Variants in DPP8 observed in about 807,000 individuals in gnomAD.
The protein encoded by DPP8 is DPP VIII.
DPP8 carries 31 observed loss-of-function variants against 107.5 expected under a neutral mutation model. The observed-to-expected ratio is 0.29, with a 90% CI of 0.22 to 0.39. The LOEUF (loss-of-function observed/expected upper bound fraction) is 0.39, where lower values mean the gene tolerates loss of function less well. Among genes scored for constraint, DPP8 ranks in the 10% least tolerant of loss-of-function variants. The pLI is 1.00. For synonymous variants in DPP8, 381 were observed against 356.6 expected (o/e 1.07, Z -0.77); for missense variants, 842 against 1,076.1 (o/e 0.78, Z 3.04).
intron 2 of DPP8, among the ~76,000 whole-genome samples, chr15:65,509,918 G>A (rs1208992841): frequency 6.6e-6 from 1 of 152,110 alleles, no homozygotes; most frequent in Non-Finnish European, 1.5e-5. Context: ...CTACTTGGGA[G>A]GCTGAGATGG....
chr15:65,515,803 GATA>G, intron 1 of DPP8: 1 of 1,000,220 alleles, frequency 1.0e-6, no homozygotes, highest in Non-Finnish European at 1.5e-6. Context: ...TGCTCACCAG[GATA>G]ATGAAATAAG....
At position 65,455,976 on chromosome 15, in the gene DPP8, C is replaced by A. The variant is rs552280668; in HGVS notation, c.2118+249G>T. ...AAAGCTAAATGGTGCTAAATTCTAC[C>A]CAAGTGGACATACAAAACAGAGAGG... On this transcript the variant is annotated intron_variant, in intron 16 of 19. Transcript: ENST00000300141. 9 of 866,444 alleles carry A rather than the reference C, an allele frequency of 1.0e-5. No homozygotes were observed. In the African/African-American group the frequency reaches 1.4e-4, roughly 13 times the overall value. The allele number at this position is 866,444 out of a possible 1,614,324, so 53.7% of individuals were successfully genotyped here. A position where few individuals can be genotyped will look rare whatever the true frequency, so the allele number is the denominator to read the frequency against.
At chr15:65,470,413 C>G (rs540331877) in intron 12 of DPP8, among the ~76,000 whole-genome samples, 1 of 151,176 alleles carries the variant, frequency 6.6e-6, no homozygotes, top group Admixed American at 6.6e-5. Flanking sequence ...CTAGACCAGC[C>G]TGGCCAACAT....
chr15:65,497,002 G>A (rs1175635733), intron 5 of DPP8, among the ~76,000 whole-genome samples: 1 of 151,940 alleles, frequency 6.6e-6, no homozygotes, highest in East Asian at 1.9e-4. Context: ...CAATTCTCCC[G>A]CCTCAACCTC....
chr15:65,455,917 T>C, intron 16 of DPP8: 2 of 1,122,210 alleles, frequency 1.8e-6, no homozygotes, highest in East Asian at 4.9e-5. Flanking sequence ...ACAGAACAAA[T>C]CTCAATTATT....
At chr15:65,457,296 C>T (rs570585339) in intron 15 of DPP8, among the ~76,000 whole-genome samples, 8 of 152,214 alleles carry the variant, frequency 5.3e-5, no homozygotes, top group African/African-American at 1.9e-4. Context: ...AGAGAGGTTG[C>T]AGTGAGCAAA....
chr15:65,461,896 GC>G (rs1474620412), intron 15 of DPP8, among the ~76,000 whole-genome samples: 2 of 151,334 alleles, frequency 1.3e-5, no homozygotes, highest in African/African-American at 2.4e-5. Flanking sequence ...ATCGCGCACA[GC>G]CGACCGTTTT....
intron 17 of DPP8, among the ~76,000 whole-genome samples, chr15:65,453,807 T>C (rs1046376416): frequency 6.6e-6 from 1 of 151,494 alleles, no homozygotes; most frequent in Non-Finnish European, 1.5e-5. Flanking sequence ...CCTAACATTC[T>C]ACAATATTGC....
At chr15:65,448,922 A>T (rs866086720) in intron 19 of DPP8, among the ~76,000 whole-genome samples, 104 of 90,852 alleles carry the variant, frequency 1.1e-3, no homozygotes, top group African/African-American at 3.8e-3. Context: ...ATATATATAT[A>T]TTTAGCCTGG....
intron 12 of DPP8, among the ~76,000 whole-genome samples, chr15:65,472,956 T>C (rs2066034215): frequency 6.6e-6 from 1 of 151,940 alleles, no homozygotes; most frequent in African/African-American, 2.4e-5. Flanking sequence ...GAGGAAGGCT[T>C]GAGCCCAGGA....
intron 19 of DPP8, 22 bp downstream of exon 19, chr15:65,450,977 T>A (rs1196275419): frequency 2.2e-6 from 3 of 1,377,936 alleles, no homozygotes; most frequent in Non-Finnish European, 3.1e-6. Flanking sequence ...TGCATTTAAC[T>A]AGAAAATGTA....
intron 15 of DPP8, among the ~76,000 whole-genome samples, chr15:65,461,196 G>C (rs1246420996): frequency 6.6e-6 from 1 of 152,176 alleles, no homozygotes; most frequent in Non-Finnish European, 1.5e-5. Flanking sequence ...CCAGGCTGGA[G>C]TATAGCGGCA....
chr15:65,509,584 G>A (rs1183716776), intron 2 of DPP8, among the ~76,000 whole-genome samples: 3 of 152,172 alleles, frequency 2.0e-5, no homozygotes, highest in Non-Finnish European at 4.4e-5. Flanking sequence ...AGGATAGCAT[G>A]ACAAAGAACA....
intron 11 of DPP8, among the ~76,000 whole-genome samples, chr15:65,476,822 A>T (rs1432125725): frequency 6.6e-6 from 1 of 152,212 alleles, no homozygotes; most frequent in African/African-American, 2.4e-5. Context: ...ACAGATAAAC[A>T]AAATGTGGTA....
chr15:65,507,583 G>A (rs1187831637), intron 2 of DPP8, among the ~76,000 whole-genome samples: 2 of 151,186 alleles, frequency 1.3e-5, no homozygotes, highest in Non-Finnish European at 2.9e-5. Context: ...AGCTACTTGG[G>A]AGGCTACAGT....
chr15:65,461,950 C>T (rs562892300), intron 15 of DPP8, among the ~76,000 whole-genome samples: 16 of 150,754 alleles, frequency 1.1e-4, no homozygotes, highest in Non-Finnish European at 2.1e-4. Flanking sequence ...AAGCTTTAAC[C>T]AGAAGTCTAA....
At chr15:65,507,135 T>G (rs1596128373) in intron 3 of DPP8, 108 bp downstream of exon 3, 3 of 564,138 alleles carry the variant, frequency 5.3e-6, no homozygotes, top group East Asian at 6.4e-5. Context: ...AAAAACATCT[T>G]AATTTTTTTT....
chr15:65,457,778 G>A (rs777974483), intron 15 of DPP8, among the ~76,000 whole-genome samples: 3 of 152,002 alleles, frequency 2.0e-5, no homozygotes, highest in Non-Finnish European at 4.4e-5. Flanking sequence ...GGCGTTTGGT[G>A]AGTAAAGGCA....
chr15:65,462,266 GCTAA>G (rs1198683490), intron 15 of DPP8, among the ~76,000 whole-genome samples: 2 of 152,214 alleles, frequency 1.3e-5, no homozygotes, highest in African/African-American at 4.8e-5. Flanking sequence ...ACAGCGCCCG[GCTAA>G]CTCTTTCATG....
Sources: allele counts gnomAD v4.1 joint callset (sites outside exome capture counted in the v4.1 genomes callset), GRCh38; gene constraint gnomAD v4.1.1; transcripts MANE v1.5; gene names NCBI Gene and HGNC (gene_info 2026-07-23, HGNC 2026-07-21).